Variants in CHLSN observed in about 807,000 individuals in gnomAD.
CHLSN encodes the protein cholesin, also known as protein cholesin.
chr7:1,051,496 G>A, the CHLSN span, among the ~76,000 whole-genome samples: 1 of 152,204 alleles, frequency 6.6e-6, no homozygotes, highest in Non-Finnish European at 1.5e-5. Context: ...ATTCCGCTGG[G>A]CTTTCTAAGC....
the CHLSN span, among the ~76,000 whole-genome samples, chr7:982,038 A>C: frequency 6.6e-6 from 1 of 152,336 alleles, no homozygotes; most frequent in Admixed American, 6.5e-5. Flanking sequence ...TGTCTCAAAA[A>C]CAAAACACAC....
At chr7:1,036,724 C>A in the CHLSN span, among the ~76,000 whole-genome samples, 2 of 149,122 alleles carry the variant, frequency 1.3e-5, 1 homozygote, top group Non-Finnish European at 3.0e-5. Flanking sequence ...TTTGGAGGAG[C>A]GGGATTGAGA....
chr7:1,070,323 G>A, the CHLSN span, among the ~76,000 whole-genome samples: 5 of 134,214 alleles, frequency 3.7e-5, 1 homozygote, highest in Admixed American at 7.2e-5. Flanking sequence ...TCAGCCCCCC[G>A]CCTGGCCAGC....
chr7:1,106,855 G>T, the CHLSN span, among the ~76,000 whole-genome samples: 1 of 152,226 alleles, frequency 6.6e-6, no homozygotes, highest in African/African-American at 2.4e-5. Flanking sequence ...AGGGCAGCTG[G>T]GCCAGGTGAA....
the CHLSN span, among the ~76,000 whole-genome samples, chr7:1,040,891 T>C: frequency 6.6e-6 from 1 of 152,198 alleles, no homozygotes; most frequent in Non-Finnish European, 1.5e-5. Flanking sequence ...GCTGGGAGGA[T>C]GAGCAAAGGC....
the CHLSN span, among the ~76,000 whole-genome samples, chr7:1,118,933 G>A: frequency 6.6e-6 from 1 of 151,640 alleles, no homozygotes; most frequent in African/African-American, 2.4e-5. Flanking sequence ...ACAAGACAAT[G>A]GAATACTATG....
the CHLSN span, among the ~76,000 whole-genome samples, chr7:1,034,497 C>T: frequency 6.6e-6 from 1 of 152,128 alleles, no homozygotes. Flanking sequence ...CTAGAAGGAA[C>T]TGCATGCCTG....
the CHLSN span, among the ~76,000 whole-genome samples, chr7:1,035,966 C>T: frequency 1.0e-3 from 156 of 152,320 alleles, 1 homozygote; most frequent in African/African-American, 3.1e-3. Context: ...CGTGAAAAGA[C>T]GTGAGCAAGT....
chr7:1,092,521 GTGC>G, the CHLSN span: 1 of 1,608,238 alleles, frequency 6.2e-7, no homozygotes, highest in Admixed American at 1.7e-5. Context: ...CCTCGCGGTG[GTGC>G]TGGTCTTCTT....
chr7:984,484 G>A, the CHLSN span: 19 of 1,552,052 alleles, frequency 1.2e-5, no homozygotes, highest in African/African-American at 8.2e-5. Context: ...GACGGGGTTC[G>A]AGGCGGTCAA....
chr7:1,120,601 C>T, the CHLSN span, among the ~76,000 whole-genome samples: 1 of 152,206 alleles, frequency 6.6e-6, no homozygotes, highest in African/African-American at 2.4e-5. Context: ...CCAGCAGCTT[C>T]TCAAAAAATT....
the CHLSN span, among the ~76,000 whole-genome samples, chr7:1,066,397 C>T: frequency 2.6e-5 from 4 of 152,336 alleles, no homozygotes; most frequent in South Asian, 8.3e-4. Flanking sequence ...ATGCCAGCTC[C>T]GGGCCATGCT....
the CHLSN span, chr7:1,091,699 CAA>C: frequency 6.7e-7 from 1 of 1,488,684 alleles, no homozygotes; most frequent in Non-Finnish European, 9.0e-7. Context: ...AGCCTTTCGG[CAA>C]ATCTTGAAAG....
chr7:1,069,246 G>C, the CHLSN span, among the ~76,000 whole-genome samples: 11 of 152,236 alleles, frequency 7.2e-5, no homozygotes, highest in Middle Eastern at 6.8e-3. Context: ...CAGGAGAATC[G>C]CTTGAACCTG....
chr7:1,016,132 C>T, the CHLSN span, among the ~76,000 whole-genome samples: 2 of 112,176 alleles, frequency 1.8e-5, no homozygotes, highest in African/African-American at 8.4e-5. Flanking sequence ...CACAGCAGCA[C>T]ACGCCAGCAC....
the CHLSN span, chr7:987,441 C>T: frequency 6.3e-7 from 1 of 1,587,158 alleles, no homozygotes; most frequent in African/African-American, 1.3e-5. Context: ...GCGCCGTGCT[C>T]CACGAGGTGC....
chr7:1,059,866 TGTAGTGGGGCGGGTCCG>T, the CHLSN span, among the ~76,000 whole-genome samples: 676 of 23,462 alleles, frequency 0.029, 19 homozygotes, highest in Middle Eastern at 0.042. Flanking sequence ...GGGGCGGGTC[TGTAGTGGGGCGGGTCCG>T]TAGTGAGGCG....
At chr7:1,050,223 C>T in the CHLSN span, among the ~76,000 whole-genome samples, 4 of 152,322 alleles carry the variant, frequency 2.6e-5, no homozygotes, top group South Asian at 8.3e-4. Context: ...GCAGTGACTC[C>T]TCAGGCACAG....
At chr7:1,111,466 G>A in the CHLSN span, among the ~76,000 whole-genome samples, 1 of 152,190 alleles carries the variant, frequency 6.6e-6, no homozygotes, top group Admixed American at 6.5e-5. Flanking sequence ...GAACAAAACA[G>A]TCTTTATTCA....
Sources: gnomAD v4.1 joint callset for allele counts (sites outside exome capture counted in the v4.1 genomes callset) on GRCh38, gnomAD v4.1.1 for gene constraint, MANE v1.5 for transcripts, NCBI Gene and HGNC (gene_info 2026-07-23, HGNC 2026-07-21) for gene names.